Variants in DYM observed in about 807,000 individuals in gnomAD.
DYM encodes dymeclin.
Under a neutral mutation model 93.1 loss-of-function variants are expected in DYM, and 78 were observed. The ratio of observed to expected loss-of-function variants is 0.84; its 90% CI spans 0.70 to 1.01. DYM has a LOEUF of 1.01. Ranked by LOEUF, DYM falls within the 50% of genes least tolerant of loss-of-function variation. The pLI is 0.00. For missense variants in DYM, 789 were observed against 845.0 expected (o/e 0.93, Z 0.82); for synonymous variants, 321 against 319.7 (o/e 1.00, Z -0.04).
rs1447587639 is a variant in DYM at position 49,039,591 on chromosome 18, TTC to T, written c.*4462_*4463del. On this transcript the variant is annotated 3_prime_UTR_variant, in exon 18 of 18. Transcript: ENST00000675505. ...AGTCTCTTACCCTCTATTCTCCATG[TTC>T]TGTTTTTTTTACTATATAATTCCTG... 6.6e-6 allele frequency among the ~76,000 whole-genome samples: 1 copy of T among 152,156 alleles called. No homozygotes were observed. Among genetic ancestry groups the T allele is most frequent in the African/African-American group, 2.4e-5 (1 of 41,448 alleles).
chr18:49,430,897 A>G (rs2080266194), intron 1 of DYM, among the ~76,000 whole-genome samples: 1 of 152,098 alleles, frequency 6.6e-6, no homozygotes, highest in Non-Finnish European at 1.5e-5. Flanking sequence ...AAAAAAAAAA[A>G]AAGAAATATG....
intron 6 of DYM, among the ~76,000 whole-genome samples, chr18:49,356,929 T>C (rs913658631): frequency 7.2e-5 from 11 of 152,296 alleles, no homozygotes; most frequent in African/African-American, 2.6e-4. Flanking sequence ...TTTCTAATAA[T>C]TATATTCTTT....
intron 2 of DYM, 105 bp from the exon 3 acceptor site, chr18:49,391,750 A>G: frequency 9.9e-7 from 1 of 1,006,704 alleles, no homozygotes; most frequent in Non-Finnish European, 1.5e-6. Context: ...ATTTAGAAGA[A>G]AAATATGGTG....
intron 2 of DYM, among the ~76,000 whole-genome samples, chr18:49,420,752 C>T (rs1271753891): frequency 2.0e-5 from 3 of 152,136 alleles, no homozygotes; most frequent in Non-Finnish European, 4.4e-5. Flanking sequence ...CAAGGAATTC[C>T]CTTTCCTAGC....
At chr18:49,451,771 G>C (rs907030743) in intron 1 of DYM, among the ~76,000 whole-genome samples, 2 of 152,216 alleles carry the variant, frequency 1.3e-5, no homozygotes, top group African/African-American at 4.8e-5. Context: ...ATCAGGACTA[G>C]AGAGAGAAAA....
chr18:49,255,925 C>A (rs570365150), intron 13 of DYM, among the ~76,000 whole-genome samples: 35 of 148,584 alleles, frequency 2.4e-4, no homozygotes, highest in Middle Eastern at 3.5e-3. Flanking sequence ...ACTAAAAATA[C>A]AAAAAAAAAT....
intron 1 of DYM, among the ~76,000 whole-genome samples, chr18:49,455,721 G>T (rs572065251): frequency 6.6e-6 from 1 of 152,330 alleles, no homozygotes; most frequent in Admixed American, 6.5e-5. Context: ...GGAGGCCGAG[G>T]TGGGTGGATC....
intron 14 of DYM, among the ~76,000 whole-genome samples, chr18:49,191,173 G>A (rs1038410019): frequency 1.3e-5 from 2 of 152,076 alleles, no homozygotes; most frequent in African/African-American, 4.8e-5. Context: ...CCCCAGAAAA[G>A]CTTCTGCTTG....
chr18:49,170,783 A>G (rs2088595049), intron 14 of DYM, among the ~76,000 whole-genome samples: 1 of 82,488 alleles, frequency 1.2e-5, no homozygotes, highest in Admixed American at 1.1e-4. Context: ...TCCGTCTCAA[A>G]AAAAAAAAAA....
At chr18:49,212,685 C>T (rs2092837598) in intron 13 of DYM, among the ~76,000 whole-genome samples, 1 of 151,990 alleles carries the variant, frequency 6.6e-6, no homozygotes, top group Non-Finnish European at 1.5e-5. Flanking sequence ...TTACTAGAGG[C>T]AGGGTCTCAC....
intron 15 of DYM, among the ~76,000 whole-genome samples, chr18:49,148,958 T>C (rs371150531): frequency 2.0e-5 from 3 of 152,326 alleles, no homozygotes; most frequent in South Asian, 2.1e-4. Flanking sequence ...TATTACATTG[T>C]AATATTTAAT....
At chr18:49,110,168 T>C (rs892327517) in intron 16 of DYM, among the ~76,000 whole-genome samples, 1 of 152,214 alleles carries the variant, frequency 6.6e-6, no homozygotes, top group African/African-American at 2.4e-5. Flanking sequence ...ATAGGGACTA[T>C]GTGGCCTGTG....
intron 14 of DYM, among the ~76,000 whole-genome samples, chr18:49,168,227 A>C (rs9946152): frequency 0.8 from 121,384 of 151,518 alleles, 48,832 homozygotes; most frequent in Non-Finnish European, 0.84. Context: ...CTCTCTCTCT[A>C]TATATATATA....
chr18:49,451,191 G>A (rs1421600576), intron 1 of DYM, among the ~76,000 whole-genome samples: 1 of 152,182 alleles, frequency 6.6e-6, no homozygotes, highest in African/African-American at 2.4e-5. Flanking sequence ...AACAAAACTT[G>A]AAGCATGATT....
At chr18:49,408,688 T>C (rs1041228580) in intron 2 of DYM, among the ~76,000 whole-genome samples, 1 of 152,190 alleles carries the variant, frequency 6.6e-6, no homozygotes, top group Non-Finnish European at 1.5e-5. Context: ...CCCTCTAAAA[T>C]GGCCTACAGA....
chr18:49,333,944 C>G, intron 6 of DYM, 91 bp from the exon 7 acceptor site: 1 of 1,347,172 alleles, frequency 7.4e-7, no homozygotes, highest in African/African-American at 1.5e-5. Context: ...AAACTCAAAT[C>G]TAAATATTCA....
At chr18:49,373,913 T>A (rs2067260725) in intron 5 of DYM, among the ~76,000 whole-genome samples, 1 of 152,030 alleles carries the variant, frequency 6.6e-6, no homozygotes, top group African/African-American at 2.4e-5. Flanking sequence ...ACTACTGGCA[T>A]CACAAACATG....
At chr18:49,178,342 C>CATATTCCCAT (rs2089596482) in intron 14 of DYM, among the ~76,000 whole-genome samples, 1 of 151,914 alleles carries the variant, frequency 6.6e-6, no homozygotes, top group African/African-American at 2.4e-5. Flanking sequence ...CAGAATTCCA[C>CATATTCCCAT]TATGGTTTAG....
chr18:49,298,812 G>A (rs1210743017), intron 8 of DYM, among the ~76,000 whole-genome samples: 1 of 152,138 alleles, frequency 6.6e-6, no homozygotes, highest in Non-Finnish European at 1.5e-5. Context: ...AACTGTCTCA[G>A]TAAAACTCTT....
Sources: gnomAD v4.1 joint callset for allele counts (sites outside exome capture counted in the v4.1 genomes callset) on GRCh38, gnomAD v4.1.1 for gene constraint, MANE v1.5 for transcripts, NCBI Gene and HGNC (gene_info 2026-07-23, HGNC 2026-07-21) for gene names.